Variants in ARHGAP24 observed in about 807,000 individuals in gnomAD.
ARHGAP24 encodes the protein Rho GTPase activating protein 24, also known as rho GTPase-activating protein 24.
ARHGAP24 carries 50 observed loss-of-function variants against 76.4 expected under a neutral mutation model. That is an observed-to-expected ratio of 0.65 (90% confidence interval 0.52 to 0.83). ARHGAP24 has a LOEUF of 0.83. ARHGAP24 is among the 40% of genes least tolerant of loss of function. The pLI is 0.00. For missense variants in ARHGAP24, 930 were observed against 914.2 expected, an observed-to-expected ratio of 1.02 and a Z score of -0.22; for synonymous variants, 345 against 323.3, an observed-to-expected ratio of 1.07 and a Z score of -0.72.
chr4:85,951,697 G>A (rs1196704126), intron 5 of ARHGAP24, among the ~76,000 whole-genome samples: 2 of 152,092 alleles, frequency 1.3e-5, no homozygotes, highest in African/African-American at 4.8e-5. Flanking sequence ...GAGTAAGAAT[G>A]AATAAATATT....
At chr4:85,524,895 A>G (rs1051291636) in intron 1 of ARHGAP24, among the ~76,000 whole-genome samples, 3 of 152,316 alleles carry the variant, frequency 2.0e-5, no homozygotes, top group African/African-American at 7.2e-5. Flanking sequence ...TAGGCAGCAG[A>G]CTAAAACCCA....
chr4:85,750,522 G>A (rs1374538686), intron 3 of ARHGAP24, among the ~76,000 whole-genome samples: 1 of 96,558 alleles, frequency 1.0e-5, no homozygotes, highest in Non-Finnish European at 1.8e-5. Context: ...TTTTGAGACA[G>A]TCTTGCTCTG....
At chr4:85,713,927 C>T (rs886863806) in intron 2 of ARHGAP24, among the ~76,000 whole-genome samples, 1 of 152,106 alleles carries the variant, frequency 6.6e-6, no homozygotes, top group Non-Finnish European at 1.5e-5. Context: ...CAGAGTGGTT[C>T]ATATAATACA....
intron 4 of ARHGAP24, among the ~76,000 whole-genome samples, chr4:85,938,645 T>C (rs1403235635): frequency 6.6e-6 from 1 of 152,194 alleles, no homozygotes; most frequent in Non-Finnish European, 1.5e-5. Flanking sequence ...ACTCATTCTT[T>C]GCAAGACCAG....
intron 2 of ARHGAP24, among the ~76,000 whole-genome samples, chr4:85,657,271 T>A (rs537416800): frequency 1.3e-5 from 2 of 152,334 alleles, no homozygotes; most frequent in African/African-American, 4.8e-5. Context: ...TGTGTTTTAA[T>A]AATGTGCTAT....
At chr4:85,836,548 A>T (rs1730300449) in intron 3 of ARHGAP24, among the ~76,000 whole-genome samples, 1 of 152,012 alleles carries the variant, frequency 6.6e-6, no homozygotes. Context: ...TCCCCTTTTT[A>T]TGAGGACACC....
chr4:85,533,005 T>C (rs551907126), intron 1 of ARHGAP24, among the ~76,000 whole-genome samples: 1 of 152,284 alleles, frequency 6.6e-6, no homozygotes, highest in African/African-American at 2.4e-5. Flanking sequence ...TGGAACAAAG[T>C]CATCTTCAAG....
intron 3 of ARHGAP24, among the ~76,000 whole-genome samples, chr4:85,889,938 C>T (rs1483031830): frequency 6.6e-6 from 1 of 152,074 alleles, no homozygotes; most frequent in Middle Eastern, 3.4e-3. Flanking sequence ...TTTTTAATTG[C>T]CTCTTTTTCC....
intron 3 of ARHGAP24, among the ~76,000 whole-genome samples, chr4:85,795,582 T>C (rs1728310244): frequency 6.6e-6 from 1 of 152,204 alleles, no homozygotes; most frequent in Admixed American, 6.5e-5. Context: ...AATCAGAATC[T>C]GGAACAAGAC....
Position 86,000,815 on chromosome 4 carries a change from A to T in ARHGAP24, c.*93A>T. ...TAGAACCAGGTGGCTGGTCACCTGG[A>T]TGTACAGAAGTCTAACTGGTGAAGG... On this transcript the variant is annotated 3_prime_UTR_variant, in exon 10 of 10. Transcript: ENST00000395184. 6.4e-7 allele frequency: 1 copy of T among 1,552,816 alleles called. No homozygotes were observed. Among genetic ancestry groups the T allele is most frequent in the Non-Finnish European group, 8.8e-7 (1 of 1,131,676 alleles).
chr4:85,801,976 A>G (rs925071391), intron 3 of ARHGAP24, among the ~76,000 whole-genome samples: 2 of 152,254 alleles, frequency 1.3e-5, no homozygotes, highest in East Asian at 1.9e-4. Flanking sequence ...GCCAAATGAC[A>G]TTTGAAAGAT....
chr4:85,821,807 T>C (rs969473992), intron 3 of ARHGAP24, among the ~76,000 whole-genome samples: 2 of 152,248 alleles, frequency 1.3e-5, no homozygotes, highest in Non-Finnish European at 2.9e-5. Flanking sequence ...ATTCAAACTT[T>C]ATTCAGCTTC....
chr4:85,510,340 A>G (rs1578193597), intron 1 of ARHGAP24, among the ~76,000 whole-genome samples: 2 of 152,132 alleles, frequency 1.3e-5, no homozygotes, highest in Non-Finnish European at 2.9e-5. Flanking sequence ...ATGCATGCCA[A>G]TGAACAGAAA....
chr4:85,489,046 A>T (rs1723260038), intron 1 of ARHGAP24, among the ~76,000 whole-genome samples: 1 of 152,190 alleles, frequency 6.6e-6, no homozygotes, highest in Non-Finnish European at 1.5e-5. Context: ...CATTTAAAGT[A>T]AATTGAATAT....
intron 3 of ARHGAP24, among the ~76,000 whole-genome samples, chr4:85,886,573 T>C (rs1053032075): frequency 6.6e-6 from 1 of 152,166 alleles, no homozygotes; most frequent in Non-Finnish European, 1.5e-5. Context: ...AGAAAGGGAA[T>C]GATAGTCATT....
At chr4:85,623,362 C>T in intron 2 of ARHGAP24, among the ~76,000 whole-genome samples, 1 of 152,140 alleles carries the variant, frequency 6.6e-6, no homozygotes, top group Admixed American at 6.5e-5. Context: ...GAATCCTTTC[C>T]CCATTGCTTG....
intron 3 of ARHGAP24, among the ~76,000 whole-genome samples, chr4:85,862,627 C>T (rs1396577653): frequency 6.6e-6 from 1 of 152,086 alleles, no homozygotes; most frequent in East Asian, 1.9e-4. Flanking sequence ...CAGCCTTCTC[C>T]CTTGATATGC....
At chr4:85,593,692 T>C (rs1728207412) in intron 2 of ARHGAP24, among the ~76,000 whole-genome samples, 1 of 152,118 alleles carries the variant, frequency 6.6e-6, no homozygotes, top group Non-Finnish European at 1.5e-5. Flanking sequence ...TTTCCCAGAA[T>C]GATTTATTGA....
chr4:85,863,281 G>A (rs1732006333), intron 3 of ARHGAP24, among the ~76,000 whole-genome samples: 1 of 151,978 alleles, frequency 6.6e-6, no homozygotes, highest in Middle Eastern at 3.2e-3. Flanking sequence ...AAAACTCAGA[G>A]AAGCCTTTGT....
Sources: gnomAD v4.1 joint callset for allele counts (sites outside exome capture counted in the v4.1 genomes callset) on GRCh38, gnomAD v4.1.1 for gene constraint, MANE v1.5 for transcripts, NCBI Gene and HGNC (gene_info 2026-07-23, HGNC 2026-07-21) for gene names.